The following TNS3 variants were observed in gnomAD, a reference collection of about 807,000 sequenced individuals.
TNS3 encodes the protein tensin 3, also known as tensin-3.
TNS3 carries 45 observed loss-of-function variants against 140.9 expected under a neutral mutation model. The ratio of observed to expected loss-of-function variants is 0.32; its 90% CI spans 0.25 to 0.41. The LOEUF is 0.41. TNS3 is among the 10% of genes least tolerant of loss of function. The pLI is 1.00. For missense variants in TNS3, 1,716 were observed against 1,906.7 expected, an observed-to-expected ratio of 0.90 and a Z score of 1.86; for synonymous variants, 815 against 788.4, an observed-to-expected ratio of 1.03 and a Z score of -0.56.
chr7:47,570,112 T>C (rs1425597535), intron 1 of TNS3, among the ~76,000 whole-genome samples: 1 of 152,246 alleles, frequency 6.6e-6, no homozygotes, highest in Non-Finnish European at 1.5e-5. Context: ...ATCACTCCAT[T>C]GCACTCCAGC....
At chr7:47,491,461 T>G (rs1379735649) in intron 3 of TNS3, among the ~76,000 whole-genome samples, 3 of 152,094 alleles carry the variant, frequency 2.0e-5, no homozygotes, top group African/African-American at 4.8e-5. Context: ...GGGGTGGATG[T>G]GAACCTCAAG....
At chr7:47,470,621 A>G (rs1056796719) in intron 4 of TNS3, 14 of 985,344 alleles carry the variant, frequency 1.4e-5, no homozygotes, top group African/African-American at 1.7e-5. Context: ...TCCCCAGCGC[A>G]GAGAAATGCA....
At chr7:47,481,767 T>C (rs74512004) in intron 3 of TNS3, 60,512 of 936,096 alleles carry the variant, frequency 0.065, 2,088 homozygotes, top group Non-Finnish European at 0.07. Context: ...GCAAGGTGGC[T>C]CAAACACAGT....
intron 23 of TNS3, among the ~76,000 whole-genome samples, chr7:47,297,555 C>T (rs1785293412): frequency 6.6e-6 from 1 of 152,070 alleles, no homozygotes; most frequent in Non-Finnish European, 1.5e-5. Context: ...TCCCACAATA[C>T]CTGTGATGTC....
At position 47,444,532 on chromosome 7, in the gene TNS3, G is replaced by C. The variant is rs562828230; in HGVS notation, c.-75-2477C>G. 3.9e-5 allele frequency among the ~76,000 whole-genome samples: 6 copies of C among 152,350 alleles called. No homozygotes were observed. The East Asian group carries it at 9.6e-4, about 24-fold the overall frequency. ...CTGCCGGCACCAACGTGATGGGGTA[G>C]GAGTGTCACCGTCCCTCAGGCGGGG... is the stretch of plus-strand genomic sequence containing the variant. On this transcript the variant is annotated intron_variant, in intron 4 of 30. Coordinates refer to ENST00000311160, the MANE Select transcript of TNS3 (RefSeq NM_022748.12).
At chr7:47,516,729 G>T (rs189989319) in intron 2 of TNS3, among the ~76,000 whole-genome samples, 1 of 152,304 alleles carries the variant, frequency 6.6e-6, no homozygotes, top group African/African-American at 2.4e-5. Context: ...TGGCTAAAAT[G>T]ATTTCCTGTG....
At chr7:47,287,742 G>A (rs185095196) in intron 27 of TNS3, among the ~76,000 whole-genome samples, 14 of 152,264 alleles carry the variant, frequency 9.2e-5, no homozygotes, top group African/African-American at 2.2e-4. Flanking sequence ...GCAGACATTC[G>A]CAGCTCTCAA....
At position 47,302,977 on chromosome 7, in the gene TNS3, C is replaced by T; in HGVS notation, c.3430G>A (p.Ala1144Thr). ...FPNVLPDFSK[A>T]SEAASPLPDS... ...GGCAGAGGTGAGGCCGCTTCTGAAG[C>T]CTTGGAAAAGTCGGGAAGGACATTT... The change falls in exon 22 of 31, where the codon GCT (alanine) becomes ACT (threonine). Residue 1144 changes from alanine to threonine, a missense_variant. By Grantham distance (58) the Ala-to-Thr change is moderately conservative. Transcript: ENST00000311160. 3 of 1,610,866 alleles carry T rather than the reference C, an allele frequency of 1.9e-6. No homozygotes were observed. Among genetic ancestry groups the T allele is most frequent in the Non-Finnish European group, 2.5e-6 (3 of 1,177,734 alleles).
chr7:47,446,112 CTTTTG>C (rs938099437), intron 4 of TNS3, among the ~76,000 whole-genome samples: 1 of 151,948 alleles, frequency 6.6e-6, no homozygotes, highest in Non-Finnish European at 1.5e-5. Context: ...GTGTTTTTTT[CTTTTG>C]TTTTGTTTTG....
intron 1 of TNS3, among the ~76,000 whole-genome samples, chr7:47,535,804 C>G (rs1799578162): frequency 6.6e-6 from 1 of 152,228 alleles, no homozygotes; most frequent in Admixed American, 6.5e-5. Flanking sequence ...AGGGATCTCT[C>G]GGATAGGTTC....
intron 2 of TNS3, among the ~76,000 whole-genome samples, chr7:47,510,263 G>C (rs560611449): frequency 6.6e-6 from 1 of 152,138 alleles, no homozygotes; most frequent in African/African-American, 2.4e-5. Context: ...GGCCAGAAGG[G>C]AGGCTGCAAA....
At chr7:47,283,398 G>T (rs1313688950) in intron 28 of TNS3, among the ~76,000 whole-genome samples, 4 of 152,232 alleles carry the variant, frequency 2.6e-5, no homozygotes, top group Admixed American at 2.0e-4. Flanking sequence ...TGAGTTAAAA[G>T]ATTTTTTGCA....
chr7:47,555,127 G>A (rs1368962470), intron 1 of TNS3, among the ~76,000 whole-genome samples: 5 of 151,910 alleles, frequency 3.3e-5, no homozygotes, highest in Admixed American at 6.6e-5. Context: ...GTGGTCGGGC[G>A]TGGTGGCTCA....
rs570402525 is a variant in TNS3 at position 47,340,048 on chromosome 7, T to C, written c.2650+4707A>G. Among the ~76,000 whole-genome samples the C allele has an allele frequency of 2.8e-5, 4 of 143,736 alleles. No homozygotes were observed. The South Asian group carries it at 8.9e-4, about 32-fold the overall frequency. 94.3% of individuals were successfully genotyped at this position (143,736 alleles called of 152,430 possible). A position where few individuals can be genotyped will look rare whatever the true frequency, so the allele number is the denominator to read the frequency against. On this transcript the variant is annotated intron_variant, in intron 20 of 30. Coordinates refer to ENST00000311160, the MANE Select transcript of TNS3 (RefSeq NM_022748.12). ...AAATATATGTATACATATGTGTATA[T>C]GTGTGTATATATATACATACGAATA...
At chr7:47,417,618 A>G (rs1794151459) in intron 10 of TNS3, among the ~76,000 whole-genome samples, 1 of 152,260 alleles carries the variant, frequency 6.6e-6, no homozygotes, top group African/African-American at 2.4e-5. Flanking sequence ...CTCTTGGAAT[A>G]TAATTCTCAT....
At chr7:47,359,301 A>C (rs1052140010) in intron 17 of TNS3, among the ~76,000 whole-genome samples, 12 of 152,230 alleles carry the variant, frequency 7.9e-5, no homozygotes, top group African/African-American at 2.7e-4. Flanking sequence ...CAAAAAGCAC[A>C]TACTTTGTGA....
chr7:47,543,311 A>G (rs765833897), intron 1 of TNS3, among the ~76,000 whole-genome samples: 2 of 152,216 alleles, frequency 1.3e-5, no homozygotes, highest in African/African-American at 4.8e-5. Context: ...TCCAGCAAAC[A>G]TCTTCACACC....
At chr7:47,306,702 G>A (rs1193868199) in intron 20 of TNS3, among the ~76,000 whole-genome samples, 1 of 152,154 alleles carries the variant, frequency 6.6e-6, no homozygotes. Context: ...GGCCTCCCGA[G>A]TAGCTGGGAC....
chr7:47,322,476 C>T (rs1419349042), intron 20 of TNS3, among the ~76,000 whole-genome samples: 3 of 151,982 alleles, frequency 2.0e-5, no homozygotes, highest in South Asian at 2.1e-4. Flanking sequence ...GAGCCAAGAT[C>T]GCGCCACTGC....
Sources: allele counts gnomAD v4.1 joint callset (sites outside exome capture counted in the v4.1 genomes callset), GRCh38; gene constraint gnomAD v4.1.1; transcripts MANE v1.5; gene names NCBI Gene and HGNC (gene_info 2026-07-23, HGNC 2026-07-21).